DUSP4: variants seen among roughly 807,000 people sequenced by gnomAD.
The protein encoded by DUSP4 is dual specificity phosphatase 4, also known as dual specificity protein phosphatase 4.
DUSP4 carries 12 observed loss-of-function variants against 27.2 expected under a neutral mutation model. The observed-to-expected ratio is 0.44, with a 90% confidence interval of 0.28 to 0.71. DUSP4 has a LOEUF of 0.71. Ranked by LOEUF, DUSP4 falls within the 30% of genes least tolerant of loss-of-function variation. The pLI is 0.14. For synonymous variants in DUSP4, 257 were observed against 245.2 expected (o/e 1.05, Z -0.45); for missense variants, 448 against 551.3 (o/e 0.81, Z 1.88).
chr8:29,338,506 A>G lies in DUSP4; in HGVS notation c.580-5T>C, dbSNP rs528001295. On this transcript the variant is annotated splice_region_variant and splice_polypyrimidine_tract_variant and intron_variant, in intron 2 of 3. Coordinates refer to ENST00000240100, the MANE Select transcript of DUSP4 (RefSeq NM_001394.7). The stretch of plus-strand genomic sequence containing the variant: ...AAGGATCTCCACAGGACCCCCCTGC[A>G]CAGAAAGGGAAACAAAGGCCCCTGA... 1 of 1,611,908 alleles carries G rather than the reference A, an allele frequency of 6.2e-7. No individual in the cohort carries two copies. The highest frequency in any genetic ancestry group is 2.2e-5 in the East Asian group (1 of 44,852).
intron 1 of DUSP4, chr8:29,345,749 T>G (rs1202752823): frequency 1.5e-6 from 2 of 1,321,904 alleles, no homozygotes; most frequent in Non-Finnish European, 1.9e-6. Context: ...GTCTAAAGGG[T>G]CAAATTTCAC....
intron 1 of DUSP4, chr8:29,345,944 T>C (rs1817728211): frequency 1.0e-6 from 1 of 994,168 alleles, no homozygotes; most frequent in Non-Finnish European, 1.2e-6. Context: ...AACTACCATA[T>C]TTGCAAGCAG....
intron 1 of DUSP4, chr8:29,348,879 C>T: frequency 1.2e-6 from 1 of 825,444 alleles, no homozygotes; most frequent in South Asian, 5.4e-5. Context: ...GGCGGAGGCG[C>T]AGCGCGGCGG....
chr8:29,348,811 G>C (rs889868968), intron 1 of DUSP4: 14 of 984,682 alleles, frequency 1.4e-5, no homozygotes, highest in Middle Eastern at 5.2e-4. Flanking sequence ...ACTGCCTACC[G>C]GGCTCGGAAG....
Position 29,345,493 on chromosome 8 carries a change from C to G in DUSP4, c.433+4353G>C. 8 of 1,596,072 alleles carry G rather than the reference C, an allele frequency of 5.0e-6. No individual in the cohort carries two copies. The South Asian group carries it at 5.7e-5, about 11-fold the overall frequency. On this transcript the variant is annotated intron_variant, in intron 1 of 3. Coordinates refer to ENST00000240100, the MANE Select transcript of DUSP4 (RefSeq NM_001394.7). ...CTCCTGGGCGATCTGCTATGTTCAG[C>G]AAACTGGCTTCCGTTGGAGTGAACT... is the stretch of plus-strand genomic sequence containing the variant.
intron 1 of DUSP4, among the ~76,000 whole-genome samples, chr8:29,343,162 C>T (rs1164438001): frequency 6.9e-5 from 7 of 101,658 alleles, no homozygotes; most frequent in Non-Finnish European, 1.2e-4. Context: ...AGCGAGACTC[C>T]ATCTCAAAAA....
rs796613710 is a variant in DUSP4 at position 29,333,283 on chromosome 8, G to GTTCCC, written c.*3742_*3743insGGGAA. ...AGAATTGCGTTGCTGTCTTTAAGAA[G>GTTCCC]TCTCCTCCTTGAATAACTCATAAAC... On this transcript the variant is annotated 3_prime_UTR_variant, in exon 4 of 4. Coordinates refer to ENST00000240100, the MANE Select transcript of DUSP4 (RefSeq NM_001394.7). 45 of 152,292 alleles carry GTTCCC rather than the reference G, an allele frequency of 3.0e-4. No homozygotes were observed. The highest frequency in any genetic ancestry group is 1.0e-3 in the African/African-American group (43 of 41,556). 9.4% of individuals were successfully genotyped at this position (152,292 alleles called of 1,614,324 possible).
intron 2 of DUSP4, 82 bp downstream of exon 2, chr8:29,340,016 G>A (rs117978916): frequency 0.033 from 49,603 of 1,489,236 alleles, 1,006 homozygotes; most frequent in Non-Finnish European, 0.036. Flanking sequence ...AAAAAACACC[G>A]TCAGAACTCT....
rs149844734 is a variant in DUSP4, at chr8:29,348,996, A to G, written c.433+850T>C. 3.7e-3 allele frequency among the ~76,000 whole-genome samples: 566 copies of G among 152,316 alleles called. 2 individuals carry two copies. Among genetic ancestry groups the G allele is most frequent in the African/African-American group, 0.013 (549 of 41,572 alleles). On this transcript the variant is annotated intron_variant, in intron 1 of 3. Transcript: ENST00000240100. Reference sequence around the variant, plus strand: ...GCCAGGTCCCTCCAGGGACTCGGACAGCACGCGATTTTTCCAGGATTTCCG... The same window carrying G: ...GCCAGGTCCCTCCAGGGACTCGGACGGCACGCGATTTTTCCAGGATTTCCG...
At chr8:29,341,682 A>G (rs1304412390) in intron 1 of DUSP4, among the ~76,000 whole-genome samples, 1 of 152,008 alleles carries the variant, frequency 6.6e-6, no homozygotes, top group Admixed American at 6.6e-5. Flanking sequence ...TTCATCACAG[A>G]AGCACCCCCT....
At chr8:29,342,554 G>T (rs1301358172) in intron 1 of DUSP4, among the ~76,000 whole-genome samples, 2 of 152,100 alleles carry the variant, frequency 1.3e-5, no homozygotes, top group Non-Finnish European at 2.9e-5. Flanking sequence ...TTGACAGCCT[G>T]CTCTCCTGGA....
In DUSP4 at chr8:29,337,278, C is replaced by T. The variant is rs1466987423; in HGVS notation, c.933G>A (p.Lys311=). The change falls in exon 4 of 4, where the codon AAG becomes AAA. Residue 311 remains lysine, a synonymous_variant. Transcript: ENST00000240100. The surrounding 1 kb of genome is among the most constrained non-coding windows in gnomAD (Gnocchi z 6.4). Reference sequence around the variant, plus strand: ...TGGGCGAGATGATGCTGCGGCGCTGCTTAACGAACTCGAAGGCCTCCTCCA... The same window carrying T: ...TGGGCGAGATGATGCTGCGGCGCTGTTTAACGAACTCGAAGGCCTCCTCCA... ...VRLEEAFEFV[K]QRRSIISPNF... The T allele has an allele frequency of 1.2e-6, 2 of 1,613,636 alleles. No homozygotes were observed. Among genetic ancestry groups the T allele is most frequent in the African/African-American group, 1.3e-5 (1 of 75,058 alleles).
At position 29,350,203 on chromosome 8, in the gene DUSP4, C is replaced by A; in HGVS notation, c.76G>T (p.Gly26Cys). The change falls in exon 1 of 4, where the codon GGC becomes TGC. Residue 26 changes from glycine (G) to cysteine (C), a missense_variant. Coordinates refer to ENST00000240100, the MANE Select transcript of DUSP4 (RefSeq NM_001394.7). ...KRLMNRDENG[G>C]GAGGSGSHGT... ...TGGCTGCCGCTGCCGCCCGCGCCGC[C>A]GCCATTCTCGTCCCGGTTCATCAGC... The A allele has an allele frequency of 6.2e-7, 1 of 1,609,018 alleles. No homozygotes were observed. Among genetic ancestry groups the A allele is most frequent in the South Asian group, 1.1e-5 (1 of 90,846 alleles).
intron 1 of DUSP4, among the ~76,000 whole-genome samples, chr8:29,340,536 G>A (rs1016459786): frequency 2.6e-5 from 4 of 152,212 alleles, no homozygotes; most frequent in African/African-American, 9.6e-5. Flanking sequence ...ATGTGCAGAA[G>A]TGACTGTGGA....
intron 1 of DUSP4, among the ~76,000 whole-genome samples, chr8:29,349,161 G>T (rs946179911): frequency 6.6e-6 from 1 of 152,246 alleles, no homozygotes; most frequent in African/African-American, 2.4e-5. Context: ...ATTTGCAGGC[G>T]CTAGAGGACC....
intron 2 of DUSP4, among the ~76,000 whole-genome samples, 169 bp from the exon 3 acceptor site, chr8:29,338,670 G>A (rs1336405259): frequency 6.6e-6 from 1 of 152,198 alleles, no homozygotes; most frequent in African/African-American, 2.4e-5. Context: ...TCTTGGAGGG[G>A]TGATAGGCCC....
In DUSP4 at chr8:29,338,506, A is replaced by T; in HGVS notation, c.580-5T>A. The T allele has an allele frequency of 6.2e-7, 1 of 1,611,908 alleles. No individual in the cohort carries two copies. The highest frequency in any genetic ancestry group is 2.2e-5 in the East Asian group (1 of 44,852). Reference sequence around the variant, plus strand: ...AAGGATCTCCACAGGACCCCCCTGCACAGAAAGGGAAACAAAGGCCCCTGA... The same window carrying T: ...AAGGATCTCCACAGGACCCCCCTGCTCAGAAAGGGAAACAAAGGCCCCTGA... On this transcript the variant is annotated splice_region_variant and splice_polypyrimidine_tract_variant and intron_variant, in intron 2 of 3. Coordinates refer to ENST00000240100, the MANE Select transcript of DUSP4 (RefSeq NM_001394.7).
intron 1 of DUSP4, chr8:29,345,429 A>G: frequency 6.2e-7 from 1 of 1,614,086 alleles, no homozygotes; most frequent in Non-Finnish European, 8.5e-7. Flanking sequence ...ACCTAACGCC[A>G]TGCTGGGGGC....
At chr8:29,345,036 T>C (rs532856913) in intron 1 of DUSP4, among the ~76,000 whole-genome samples, 18 of 152,318 alleles carry the variant, frequency 1.2e-4, no homozygotes, top group African/African-American at 2.4e-4. Flanking sequence ...GAGACCAAGT[T>C]TGCCATGTTG....
Sources: gnomAD v4.1 joint callset for allele counts (sites outside exome capture counted in the v4.1 genomes callset) on GRCh38, gnomAD v4.1.1 for gene constraint, Gnocchi (gnomAD v3.1) non-coding constraint, MANE v1.5 for transcripts, NCBI Gene and HGNC (gene_info 2026-07-23, HGNC 2026-07-21) for gene names.